PIK3C2A: variants seen among roughly 807,000 people sequenced by gnomAD.
PIK3C2A encodes the protein phosphatidylinositol 4-phosphate 3-kinase C2 domain-containing subunit alpha.
A neutral mutation model predicts 204.5 loss-of-function variants in PIK3C2A; 97 were observed. That is an observed-to-expected ratio of 0.47 (90% CI 0.40 to 0.56). The LOEUF (loss-of-function observed/expected upper bound fraction) is 0.56. PIK3C2A is among the 20% of genes least tolerant of loss of function. The pLI, the probability that PIK3C2A is intolerant of heterozygous loss-of-function variation, is 0.00. For missense variants in PIK3C2A, 1,735 were observed against 1,969.2 expected, an observed-to-expected ratio of 0.88 and a Z score of 2.25; for synonymous variants, 653 against 664.4, an observed-to-expected ratio of 0.98 and a Z score of 0.26.
At chr11:17,186,881 C>T (rs557878350) in intron 1 of PIK3C2A, among the ~76,000 whole-genome samples, 9 of 152,278 alleles carry the variant, frequency 5.9e-5, no homozygotes, top group African/African-American at 1.9e-4. Flanking sequence ...GAGTTCAAGA[C>T]CAGCCTGGAC....
intron 6 of PIK3C2A, among the ~76,000 whole-genome samples, chr11:17,146,451 G>A (rs1322890852): frequency 2.0e-5 from 3 of 151,930 alleles, no homozygotes; most frequent in East Asian, 1.9e-4. Context: ...GGTGGCTCAC[G>A]CCTGTAATCC....
intron 3 of PIK3C2A, among the ~76,000 whole-genome samples, chr11:17,152,447 G>A (rs1234771141): frequency 6.6e-6 from 1 of 151,760 alleles, no homozygotes; most frequent in Admixed American, 6.6e-5. Flanking sequence ...TTTTTGTAGC[G>A]AAATCTTTAA....
At position 17,097,268 on chromosome 11, in the gene PIK3C2A, C is replaced by T. The variant is rs200881235; in HGVS notation, c.4119-4G>A. 5 of 1,589,544 alleles carry T rather than the reference C, an allele frequency of 3.1e-6. No individual in the cohort carries two copies. Among genetic ancestry groups the T allele is most frequent in the East Asian group, 4.5e-5 (2 of 44,682 alleles). On this transcript the variant is annotated splice_region_variant and splice_polypyrimidine_tract_variant and intron_variant, in intron 26 of 32. Transcript: ENST00000691414. ...TCCCAAACTTGATTCAATAAGCCTA[C>T]AAAATAATCAGAAAATTCGTTAACA... is the stretch of plus-strand genomic sequence containing the variant.
At chr11:17,188,315 T>A (rs1446296469) in intron 1 of PIK3C2A, among the ~76,000 whole-genome samples, 1 of 145,926 alleles carries the variant, frequency 6.9e-6, no homozygotes. Context: ...CACTCCAACC[T>A]GGGTGACAGA....
At chr11:17,130,452 T>C (rs1213411768) in intron 12 of PIK3C2A, among the ~76,000 whole-genome samples, 3 of 152,120 alleles carry the variant, frequency 2.0e-5, no homozygotes, top group African/African-American at 4.8e-5. Context: ...GTGGAACGAA[T>C]AGTAAAAAGT....
intron 4 of PIK3C2A, among the ~76,000 whole-genome samples, chr11:17,149,370 A>C (rs1850355230): frequency 6.6e-6 from 1 of 152,088 alleles, no homozygotes; most frequent in South Asian, 2.1e-4. Flanking sequence ...AAAATAAATA[A>C]GGTATACAGG....
At chr11:17,196,200 A>G (rs1437165610) in intron 1 of PIK3C2A, among the ~76,000 whole-genome samples, 1 of 152,188 alleles carries the variant, frequency 6.6e-6, no homozygotes, top group Non-Finnish European at 1.5e-5. Flanking sequence ...CCATCTATCA[A>G]TAAAAACTTT....
chr11:17,149,344 T>C (rs1451452018), intron 4 of PIK3C2A, among the ~76,000 whole-genome samples: 18 of 151,994 alleles, frequency 1.2e-4, no homozygotes, highest in Admixed American at 1.2e-3. Flanking sequence ...AAGTTAAAAA[T>C]TTAAAAATTA....
Position 17,089,638 on chromosome 11 carries a change from A to G in PIK3C2A, c.*100T>C. The stretch of plus-strand genomic sequence containing the variant: ...TTCTGTCCAAGTATAAAAATACTAT[A>G]CAAAATTAACAAGTGTGTGTGTGTG... On this transcript the variant is annotated 3_prime_UTR_variant, in exon 33 of 33. Coordinates refer to ENST00000691414, the MANE Select transcript of PIK3C2A (RefSeq NM_002645.4). 1.4e-6 allele frequency: 1 copy of G among 697,918 alleles called. No individual in the cohort carries two copies. Among genetic ancestry groups the G allele is most frequent in the Non-Finnish European group, 2.4e-6 (1 of 421,660 alleles). The allele number at this position is 697,918 out of a possible 1,614,324, so 43.2% of individuals were successfully genotyped here.
chr11:17,120,359 A>C (rs934310562), intron 15 of PIK3C2A, among the ~76,000 whole-genome samples: 4 of 152,128 alleles, frequency 2.6e-5, no homozygotes, highest in African/African-American at 9.7e-5. Flanking sequence ...GAAAAAAAAA[A>C]TACTACTATA....
chr11:17,102,788 G>C lies in PIK3C2A; in HGVS notation c.3725C>G (p.Ala1242Gly). Residue 1242 changes from alanine to glycine, a missense_variant, in exon 24 of 33, where the codon GCC becomes GGC. Ala to Gly is a moderately conservative substitution (Grantham distance 60). Around this residue, in one of 6 missense-constraint regions of PIK3C2A, gnomAD observed 503 missense variants for 669.0 expected, o/e 0.75. Coordinates refer to ENST00000691414, the MANE Select transcript of PIK3C2A (RefSeq NM_002645.4). ...ATCACAGATGCCTAAAACATAGGTG[G>C]CTACACAGCATCCAGCACAGGAATA... ...FIYSCAGCCV[A>G]TYVLGICDRH... 1.2e-6 allele frequency: 2 copies of C among 1,611,592 alleles called. No individual in the cohort carries two copies. The highest frequency in any genetic ancestry group is 1.7e-6 in the Non-Finnish European group (2 of 1,177,868).
At chr11:17,129,177 T>C in intron 13 of PIK3C2A, 123 bp downstream of exon 13, 1 of 706,578 alleles carries the variant, frequency 1.4e-6, no homozygotes, top group Non-Finnish European at 2.4e-6. Context: ...TTTATCACAT[T>C]AGAAAAACTG....
At chr11:17,180,445 T>G (rs1001106500) in intron 1 of PIK3C2A, among the ~76,000 whole-genome samples, 1 of 151,834 alleles carries the variant, frequency 6.6e-6, no homozygotes, top group Non-Finnish European at 1.5e-5. Context: ...TTTTTGCTAT[T>G]CCTATCACAA....
chr11:17,156,505 C>G (rs1450069312), intron 2 of PIK3C2A, among the ~76,000 whole-genome samples: 1 of 152,126 alleles, frequency 6.6e-6, no homozygotes, highest in African/African-American at 2.4e-5. Context: ...ACCTCAGCCT[C>G]CCAAGTAGCT....
chr11:17,198,806 C>CAA (rs1165591796), intron 1 of PIK3C2A, among the ~76,000 whole-genome samples: 4 of 98,972 alleles, frequency 4.0e-5, no homozygotes, highest in African/African-American at 1.6e-4. Context: ...TCATAAAAAA[C>CAA]AAAACAAAAC....
rs1175281704 is a variant in PIK3C2A at position 17,097,245 on chromosome 11, C to A, written c.4138G>T (p.Gly1380Ter). 1 of 1,611,750 alleles carries A rather than the reference C, an allele frequency of 6.2e-7. No homozygotes were observed. Among genetic ancestry groups the A allele is most frequent in the Non-Finnish European group, 8.5e-7 (1 of 1,178,186 alleles). ...AAGTTAAACTTTGTGGCAATGCTTC[C>A]CAAACTTGATTCAATAAGCCTACAA... ...FFTRLIESSL[G>*]SIATKFNFFI... The change falls in exon 27 of 33, where the codon GGA becomes TGA. Residue 1380 changes from glycine to a stop codon, truncating the protein, a stop_gained. Transcript: ENST00000691414. LOFTEE classifies it high-confidence loss of function.
chr11:17,155,422 C>T (rs1223927873), intron 3 of PIK3C2A, 104 bp downstream of exon 3: 1 of 601,096 alleles, frequency 1.7e-6, no homozygotes. Context: ...ATGTTAGCCA[C>T]AAGAAGAAAA....
Position 17,105,077 on chromosome 11 carries a change from T to C in PIK3C2A, c.3681+92A>G, listed in dbSNP as rs943349079. 26 of 926,236 alleles carry C rather than the reference T, an allele frequency of 2.8e-5. No individual in the cohort carries two copies. In the South Asian group the frequency reaches 3.2e-4, roughly 11 times the overall value. The allele number at this position is 926,236 out of a possible 1,614,324, so 57.4% of individuals were successfully genotyped here. A position where few individuals can be genotyped will look rare whatever the true frequency, so the allele number is the denominator to read the frequency against. ...TTTCCTGACTTAGACTAAATGACTA[T>C]TTGGTCACCAGAGCTGGAAAATGAA... On this transcript the variant is annotated intron_variant, in intron 23 of 32. Coordinates refer to ENST00000691414, the MANE Select transcript of PIK3C2A (RefSeq NM_002645.4).
At chr11:17,140,479 A>T (rs1400239014) in intron 8 of PIK3C2A, among the ~76,000 whole-genome samples, 1 of 152,230 alleles carries the variant, frequency 6.6e-6, no homozygotes, top group Non-Finnish European at 1.5e-5. Context: ...GCAAGAAAAA[A>T]GTGAACTATA....
Sources: allele counts gnomAD v4.1 joint callset (sites outside exome capture counted in the v4.1 genomes callset), GRCh38; gene constraint gnomAD v4.1.1; regional missense constraint gnomAD v4.1.1; transcripts MANE v1.5; gene names NCBI Gene and HGNC (gene_info 2026-07-23, HGNC 2026-07-21).